Variants in KIAA1217 observed in about 807,000 individuals in gnomAD.
KIAA1217 encodes sickle tail protein homolog.
In KIAA1217, 88 loss-of-function variants were observed where a neutral mutation model predicts 163.9. The ratio of observed to expected loss-of-function variants is 0.54; its 90% CI spans 0.45 to 0.64. The LOEUF (loss-of-function observed/expected upper bound fraction) is 0.64. KIAA1217 is among the 30% of genes least tolerant of loss of function. The probability of loss-of-function intolerance (pLI) is 0.00; values close to 1 mark genes in which losing one functional copy is unlikely to be tolerated. For missense variants in KIAA1217, 2,372 were observed against 2,475.0 expected (o/e 0.96, Z 0.88); for synonymous variants, 903 against 923.1 (o/e 0.98, Z 0.39).
rs143246611 is a variant in KIAA1217, at chr10:24,425,548, A to T, written c.554-7447A>T. Among the ~76,000 whole-genome samples, 1,151 of 152,306 alleles carry T rather than the reference A, an allele frequency of 7.6e-3. 8 individuals are homozygous for T. The highest frequency in any genetic ancestry group is 0.037 in the Middle Eastern group (11 of 294). ...TATGCTTTGTCATTTAATAAAATAC[A>T]GTTTTTTCACATTGCCATATTCTCT... On this transcript the variant is annotated intron_variant, in intron 3 of 20. Transcript: ENST00000376454.
rs183316794 is a variant in KIAA1217 at position 24,058,652 on chromosome 10, T to A, written c.-171+51278T>A. Among the ~76,000 whole-genome samples, 764 of 152,318 alleles carry A rather than the reference T, an allele frequency of 5.0e-3. 4 individuals are homozygous for A. Among genetic ancestry groups the A allele is most frequent in the African/African-American group, 0.018 (731 of 41,580 alleles). On this transcript the variant is annotated intron_variant, in intron 2 of 18. Transcript: ENST00000376462. ...TATTTTATTCTTTTGGATGCTATTG[T>A]AAATGGGATAAATTTTCTAATTTCC...
intron 1 of KIAA1217, among the ~76,000 whole-genome samples, chr10:23,968,078 G>A (rs1845146386): frequency 6.6e-6 from 1 of 151,454 alleles, no homozygotes; most frequent in African/African-American, 2.4e-5. Context: ...TAATTCTCCT[G>A]CAGATAACCT....
chr10:23,970,196 A>G (rs889880080), intron 1 of KIAA1217, among the ~76,000 whole-genome samples: 4 of 152,196 alleles, frequency 2.6e-5, no homozygotes, highest in African/African-American at 7.2e-5. Flanking sequence ...TTCTTGTATT[A>G]GAGGTCAAAT....
intron 2 of KIAA1217, among the ~76,000 whole-genome samples, chr10:24,319,410 G>C (rs1590926614): frequency 6.8e-6 from 1 of 148,106 alleles, no homozygotes; most frequent in Non-Finnish European, 1.5e-5. Flanking sequence ...AAAAAAGGCA[G>C]GGGATGGCTT....
At chr10:24,156,686 C>G (rs1238171852) in intron 2 of KIAA1217, among the ~76,000 whole-genome samples, 1 of 152,148 alleles carries the variant, frequency 6.6e-6, no homozygotes, top group Non-Finnish European at 1.5e-5. Flanking sequence ...CACCCCAGGG[C>G]TGAGTACCAG....
chr10:24,259,403 A>G (rs559358532), intron 2 of KIAA1217, among the ~76,000 whole-genome samples: 1 of 152,094 alleles, frequency 6.6e-6, no homozygotes, highest in African/African-American at 2.4e-5. Context: ...GCTTGCGGCC[A>G]GGAGTGCAAA....
intron 1 of KIAA1217, among the ~76,000 whole-genome samples, chr10:23,903,499 G>T (rs1203206459): frequency 6.6e-6 from 1 of 152,104 alleles, no homozygotes; most frequent in Non-Finnish European, 1.5e-5. Context: ...ATTTGATGAA[G>T]AGTGGACAGT....
chr10:24,024,087 T>C (rs558674319), intron 2 of KIAA1217, among the ~76,000 whole-genome samples: 1 of 151,772 alleles, frequency 6.6e-6, no homozygotes, highest in South Asian at 2.1e-4. Context: ...TTTATTGTTT[T>C]TTAAATTTTA....
At chr10:24,019,612 T>C (rs1186758025) in intron 2 of KIAA1217, among the ~76,000 whole-genome samples, 1 of 151,960 alleles carries the variant, frequency 6.6e-6, no homozygotes, top group Non-Finnish European at 1.5e-5. Context: ...GTCTTGGAAA[T>C]ACTTAACTCT....
chr10:24,080,059 C>T (rs368995276), intron 2 of KIAA1217, among the ~76,000 whole-genome samples: 30 of 152,322 alleles, frequency 2.0e-4, no homozygotes, highest in East Asian at 1.4e-3. Context: ...TCTGTTCTTC[C>T]GGCCTGTGTC....
chr10:24,126,709 C>T (rs1325852861), intron 2 of KIAA1217, among the ~76,000 whole-genome samples: 3 of 151,996 alleles, frequency 2.0e-5, no homozygotes, highest in African/African-American at 7.2e-5. Flanking sequence ...ACCCACATAG[C>T]CCTGGTTATA....
chr10:24,395,615 T>C (rs2055620495), intron 3 of KIAA1217, among the ~76,000 whole-genome samples: 1 of 152,202 alleles, frequency 6.6e-6, no homozygotes, highest in Admixed American at 6.5e-5. Context: ...CCTTTCTTGA[T>C]TCTAGGGCTA....
chr10:23,773,527 G>A (rs897450453), intron 1 of KIAA1217, among the ~76,000 whole-genome samples: 4 of 151,890 alleles, frequency 2.6e-5, no homozygotes, highest in African/African-American at 7.3e-5. Context: ...GATGGGGATG[G>A]CATTGAATCT....
intron 2 of KIAA1217, among the ~76,000 whole-genome samples, chr10:24,191,361 G>A (rs1282284534): frequency 1.3e-5 from 2 of 152,178 alleles, no homozygotes; most frequent in East Asian, 3.9e-4. Flanking sequence ...GTTATATAAG[G>A]TTTGGAAATA....
At chr10:23,694,805 C>G (rs1231271334) in exon 1 of KIAA1217, 1 of 152,774 alleles carries the variant, frequency 6.5e-6, no homozygotes, top group African/African-American at 2.4e-5. Context: ...CGCCGCCGTT[C>G]CCGCGCTCCT....
At chr10:24,418,325 T>G (rs2058437558) in intron 3 of KIAA1217, among the ~76,000 whole-genome samples, 4 of 152,090 alleles carry the variant, frequency 2.6e-5, no homozygotes, top group Non-Finnish European at 5.9e-5. Context: ...CGACTTTTGT[T>G]TACCAGAGTG....
intron 2 of KIAA1217, among the ~76,000 whole-genome samples, chr10:24,141,574 T>C (rs2064083100): frequency 2.6e-5 from 4 of 152,228 alleles, no homozygotes; most frequent in African/African-American, 9.6e-5. Flanking sequence ...AAATTGTGTG[T>C]GCTTTGTTCT....
chr10:24,413,473 C>T (rs1021153018), intron 3 of KIAA1217, among the ~76,000 whole-genome samples: 7 of 152,188 alleles, frequency 4.6e-5, no homozygotes, highest in South Asian at 2.1e-4. Flanking sequence ...CGCCCAGCCC[C>T]GTAGTTAATT....
chr10:24,434,575 A>G (rs1321413656), intron 4 of KIAA1217, among the ~76,000 whole-genome samples: 2 of 152,156 alleles, frequency 1.3e-5, no homozygotes, highest in African/African-American at 2.4e-5. Context: ...GAGGCAAGCA[A>G]TCCTCTAGTC....
Sources: gnomAD v4.1 joint callset for allele counts (sites outside exome capture counted in the v4.1 genomes callset) on GRCh38, gnomAD v4.1.1 for gene constraint, MANE v1.5 for transcripts, NCBI Gene and HGNC (gene_info 2026-07-23, HGNC 2026-07-21) for gene names.